Variants in PIKFYVE observed in about 807,000 individuals in gnomAD.
PIKFYVE encodes the protein 1-phosphatidylinositol 3-phosphate 5-kinase.
Under a neutral mutation model 257.9 loss-of-function variants are expected in PIKFYVE, and 122 were observed. The observed-to-expected ratio is 0.47, with a 90% CI of 0.41 to 0.55. PIKFYVE has a LOEUF of 0.55. Ranked by LOEUF, PIKFYVE falls within the 20% of genes least tolerant of loss-of-function variation. The probability of loss-of-function intolerance (pLI) is 0.00; values close to 1 mark genes in which losing one functional copy is unlikely to be tolerated. For synonymous variants in PIKFYVE, 892 were observed against 868.9 expected (o/e 1.03, Z -0.47); for missense variants, 2,160 against 2,536.6 (o/e 0.85, Z 3.19).
At position 208,328,203 on chromosome 2, in the gene PIKFYVE, T is replaced by C. The variant is rs1234230492; in HGVS notation, c.3642T>C (p.Asn1214=). 2 of 1,613,766 alleles carry C rather than the reference T, an allele frequency of 1.2e-6. No homozygotes were observed. The highest frequency in any genetic ancestry group is 2.7e-5 in the African/African-American group (2 of 74,902). ...STKVDCLNPI[N]HQRLCVLFSS... ...AGGTGGACTGTCTGAATCCCATTAA[T>C]CACCAGAGACTTTGTGTGCTCTTCA... Residue 1214 remains asparagine (N), a synonymous_variant, in exon 21 of 42, where the codon AAT becomes AAC. Transcript: ENST00000264380.
At chr2:208,314,260 G>T in intron 13 of PIKFYVE, 34 bp from the exon 14 acceptor site, 1 of 1,598,614 alleles carries the variant, frequency 6.3e-7, no homozygotes, top group African/African-American at 1.3e-5. Context: ...ACAGGACAAT[G>T]AAGTAATAAC....
At chr2:208,313,874 C>T (rs990808439) in intron 13 of PIKFYVE, among the ~76,000 whole-genome samples, 5 of 152,182 alleles carry the variant, frequency 3.3e-5, no homozygotes, top group African/African-American at 7.2e-5. Flanking sequence ...TGAGCTACCA[C>T]GCGCGGCCCA....
intron 20 of PIKFYVE, among the ~76,000 whole-genome samples, chr2:208,327,443 A>G (rs1000845830): frequency 2.0e-5 from 3 of 152,208 alleles, no homozygotes; most frequent in Admixed American, 6.5e-5. Context: ...CAGTTTAAGG[A>G]TGAGCAGGAT....
In PIKFYVE at chr2:208,326,311, C is replaced by G. The variant is rs780579562; in HGVS notation, c.3500C>G (p.Ser1167Ter). The G allele has an allele frequency of 6.2e-7, 1 of 1,606,726 alleles. No homozygotes were observed. The highest frequency in any genetic ancestry group is 2.2e-5 in the East Asian group (1 of 44,804). ...GGAGGAAGAATTCAGCCCAAAAATTCAGACCCTTTTGCTCATTCAAAGGAT... is the reference window on the plus strand; with the variant it reads ...GGAGGAAGAATTCAGCCCAAAAATTGAGACCCTTTTGCTCATTCAAAGGAT... Reference protein sequence around the residue: ...ARGGRIQPKNSDPFAHSKDAS... With the variant: ...ARGGRIQPKN The change falls in exon 20 of 42, where the codon TCA becomes TGA. Residue 1167 changes from serine to a stop codon, truncating the protein, a stop_gained. Coordinates refer to ENST00000264380, the MANE Select transcript of PIKFYVE (RefSeq NM_015040.4). LOFTEE classifies it high-confidence loss of function.
At chr2:208,306,539 GAAGA>G (rs1694333681) in intron 12 of PIKFYVE, among the ~76,000 whole-genome samples, 1 of 152,162 alleles carries the variant, frequency 6.6e-6, no homozygotes, top group Non-Finnish European at 1.5e-5. Flanking sequence ...TGAAAATCTT[GAAGA>G]AAGTGACCTG....
At chr2:208,307,128 G>C (rs1001656207) in intron 12 of PIKFYVE, among the ~76,000 whole-genome samples, 2 of 152,126 alleles carry the variant, frequency 1.3e-5, no homozygotes, top group Non-Finnish European at 2.9e-5. Flanking sequence ...GGCAACTTTC[G>C]TAGGAGAATG....
chr2:208,347,128 G>C (rs1457455547), intron 34 of PIKFYVE, among the ~76,000 whole-genome samples: 2 of 152,170 alleles, frequency 1.3e-5, no homozygotes, highest in African/African-American at 4.8e-5. Context: ...GCATTCTGTT[G>C]GTGGGGAACC....
intron 41 of PIKFYVE, 52 bp from the exon 42 acceptor site, chr2:208,355,138 C>G: frequency 7.2e-7 from 1 of 1,394,034 alleles, no homozygotes; most frequent in Non-Finnish European, 1.0e-6. Context: ...ACTTCAGTTG[C>G]CCAATCAATT....
chr2:208,307,337 T>C (rs922081794), intron 12 of PIKFYVE, among the ~76,000 whole-genome samples: 8 of 152,206 alleles, frequency 5.3e-5, no homozygotes, highest in African/African-American at 1.4e-4. Flanking sequence ...TCCTCCCCGC[T>C]CTTTAGACTA....
intron 31 of PIKFYVE, among the ~76,000 whole-genome samples, chr2:208,340,832 T>A (rs1262297071): frequency 6.6e-6 from 1 of 152,150 alleles, no homozygotes; most frequent in Non-Finnish European, 1.5e-5. Flanking sequence ...GCTCATAATC[T>A]TTGGGAAGAT....
chr2:208,322,102 G>A (rs2125544562), intron 17 of PIKFYVE, among the ~76,000 whole-genome samples: 1 of 152,246 alleles, frequency 6.6e-6, no homozygotes, highest in Non-Finnish European at 1.5e-5. Context: ...ACAACTTAGG[G>A]ATGGGCATAG....
In PIKFYVE at chr2:208,348,007, A is replaced by T. The variant is rs1160704489; in HGVS notation, c.5358A>T (p.Gln1786His). 6.2e-7 allele frequency: 1 copy of T among 1,614,168 alleles called. No homozygotes were observed. The highest frequency in any genetic ancestry group is 1.7e-5 in the Admixed American group (1 of 60,030). Reference sequence around the variant, plus strand: ...CGGGCAAGGAGGGGACCGAGAATCAAGGCGTTGAGCCTCAAGGTGTGTTAA... The same window carrying T: ...CGGGCAAGGAGGGGACCGAGAATCATGGCGTTGAGCCTCAAGGTGTGTTAA... ...GQTGKEGTEN[Q>H]GVEPQDEVDG... The change falls in exon 35 of 42, where the codon CAA becomes CAT. Residue 1786 changes from glutamine to histidine, a missense_variant. Around this residue, in one of 12 missense-constraint regions of PIKFYVE, gnomAD observed 699 missense variants for 855.8 expected, o/e 0.82. Coordinates refer to ENST00000264380, the MANE Select transcript of PIKFYVE (RefSeq NM_015040.4).
intron 1 of PIKFYVE, chr2:208,269,810 G>A (rs1689168013): frequency 4.1e-6 from 1 of 246,812 alleles, no homozygotes; most frequent in Non-Finnish European, 8.8e-6. Flanking sequence ...TCAACTGGGG[G>A]CTCCTTGGTT....
At chr2:208,308,054 G>A (rs1694535801) in intron 12 of PIKFYVE, among the ~76,000 whole-genome samples, 1 of 152,170 alleles carries the variant, frequency 6.6e-6, no homozygotes. Context: ...GATTTGAAAT[G>A]ATAGATATGT....
chr2:208,274,237 CTG>C (rs1400811131), intron 3 of PIKFYVE, among the ~76,000 whole-genome samples: 5 of 152,222 alleles, frequency 3.3e-5, no homozygotes, highest in Non-Finnish European at 5.9e-5. Context: ...CTCCTCTCAT[CTG>C]TCTGTTTTCC....
At chr2:208,336,403 C>T (rs1698142891) in intron 27 of PIKFYVE, among the ~76,000 whole-genome samples, 1 of 152,034 alleles carries the variant, frequency 6.6e-6, no homozygotes, top group Non-Finnish European at 1.5e-5. Flanking sequence ...GATGTAAAAA[C>T]CAAAGAGGAG....
chr2:208,346,092 A>C lies in PIKFYVE; in HGVS notation c.5154A>C (p.Leu1718Phe). 5.0e-6 allele frequency: 8 copies of C among 1,613,480 alleles called. No homozygotes were observed. Among genetic ancestry groups the C allele is most frequent in the Non-Finnish European group, 5.9e-6 (7 of 1,179,610 alleles). The change falls in exon 34 of 42, where the codon TTA becomes TTC. Residue 1718 changes from leucine (L) to phenylalanine (F), a missense_variant. Coordinates refer to ENST00000264380, the MANE Select transcript of PIKFYVE (RefSeq NM_015040.4). ...CAAAGAGTAGCAGCCCTATCAGATT[A>C]CCTGAAATGAGTGGAGGACAGACAA... ...SRPKSSSPIRLPEMSGGQTNR... is the reference protein window; with the variant it reads ...SRPKSSSPIRFPEMSGGQTNR...
intron 34 of PIKFYVE, 135 bp from the exon 35 acceptor site, chr2:208,347,724 A>G (rs1187935860): frequency 3.8e-6 from 3 of 790,946 alleles, no homozygotes; most frequent in Non-Finnish European, 6.2e-6. Flanking sequence ...CAATGTGCAA[A>G]CAAAAGTATT....
At chr2:208,311,168 A>G (rs1476399243) in intron 12 of PIKFYVE, among the ~76,000 whole-genome samples, 3 of 152,136 alleles carry the variant, frequency 2.0e-5, no homozygotes, top group African/African-American at 7.2e-5. Flanking sequence ...GGAGTCTCAT[A>G]TAGATACAAT....
Sources: gnomAD v4.1 joint callset for allele counts (sites outside exome capture counted in the v4.1 genomes callset) on GRCh38, gnomAD v4.1.1 for gene constraint, gnomAD v4.1.1 regional missense constraint, MANE v1.5 for transcripts, NCBI Gene and HGNC (gene_info 2026-07-23, HGNC 2026-07-21) for gene names.